The following ARL15 variants were observed in gnomAD, a reference collection of about 807,000 sequenced individuals.
ARL15 encodes ADP-ribosylation factor-like protein 15.
In ARL15, 19 loss-of-function variants were observed where a neutral mutation model predicts 25.2. The ratio of observed to expected loss-of-function variants is 0.75; its 90% confidence interval spans 0.53 to 1.10. The LOEUF is 1.10. ARL15 is among the 50% of genes least tolerant of loss of function. The pLI is 0.00. For missense variants in ARL15, 220 were observed against 246.0 expected (o/e 0.89, Z 0.71); for synonymous variants, 94 against 86.8 (o/e 1.08, Z -0.46).
intron 1 of ARL15, among the ~76,000 whole-genome samples, chr5:54,306,072 A>G (rs1360471061): frequency 1.3e-5 from 2 of 152,200 alleles, no homozygotes; most frequent in Non-Finnish European, 2.9e-5. Context: ...AGGTTCCTCT[A>G]GAGCCACACG....
intron 4 of ARL15, among the ~76,000 whole-genome samples, chr5:54,066,276 C>T (rs1010104177): frequency 1.3e-5 from 2 of 151,956 alleles, no homozygotes; most frequent in African/African-American, 2.4e-5. Flanking sequence ...AATTCACGAG[C>T]GACATAGTGC....
chr5:54,183,706 T>C (rs972832475), intron 1 of ARL15, among the ~76,000 whole-genome samples: 1 of 149,356 alleles, frequency 6.7e-6, no homozygotes, highest in South Asian at 2.1e-4. Flanking sequence ...ACCTCAGGGA[T>C]CTAGAACTAG....
chr5:54,157,101 T>G (rs1754257598), intron 2 of ARL15, among the ~76,000 whole-genome samples: 1 of 152,186 alleles, frequency 6.6e-6, no homozygotes, highest in Non-Finnish European at 1.5e-5. Flanking sequence ...ACAACTCAAG[T>G]GTAGATTTTC....
At chr5:53,913,920 G>A (rs1273258680) in intron 4 of ARL15, among the ~76,000 whole-genome samples, 2 of 152,082 alleles carry the variant, frequency 1.3e-5, no homozygotes, top group Non-Finnish European at 2.9e-5. Context: ...TATATGTGAA[G>A]TACAATTATT....
At chr5:54,135,158 TA>T (rs146037941) in intron 3 of ARL15, among the ~76,000 whole-genome samples, 57 of 147,808 alleles carry the variant, frequency 3.9e-4, no homozygotes, top group African/African-American at 1.0e-3. Flanking sequence ...GTACTTGGAA[TA>T]AAAAAAAAAT....
intron 1 of ARL15, among the ~76,000 whole-genome samples, chr5:54,220,610 C>A (rs1188954789): frequency 6.6e-6 from 1 of 152,128 alleles, no homozygotes; most frequent in African/African-American, 2.4e-5. Flanking sequence ...ATAATAAGCA[C>A]CTTCACACTC....
In ARL15 at chr5:54,246,272, G is replaced by A. The variant is rs552044577; in HGVS notation, c.48+64160C>T. The stretch of plus-strand genomic sequence containing the variant: ...ACTCCTCTATGCGCCCTTATTCTGG[G>A]TTTTCTTTTCACTAACATGAAGCTA... On this transcript the variant is annotated intron_variant, in intron 1 of 4. Coordinates refer to ENST00000504924, the MANE Select transcript of ARL15 (RefSeq NM_019087.3). 2.2e-3 allele frequency among the ~76,000 whole-genome samples: 329 copies of A among 151,940 alleles called. 2 individuals are homozygous for A. Among genetic ancestry groups the A allele is most frequent in the Non-Finnish European group, 3.8e-3 (255 of 67,988 alleles).
intron 1 of ARL15, among the ~76,000 whole-genome samples, chr5:54,221,084 C>A (rs971692240): frequency 3.3e-5 from 5 of 152,138 alleles, no homozygotes; most frequent in African/African-American, 4.8e-5. Flanking sequence ...GAATCTCCAC[C>A]TTTTATCTTC....
At chr5:54,225,391 G>C (rs1361857153) in intron 1 of ARL15, among the ~76,000 whole-genome samples, 1 of 152,136 alleles carries the variant, frequency 6.6e-6, no homozygotes, top group East Asian at 1.9e-4. Context: ...AAAGGTGGTG[G>C]AGATGGTGAG....
chr5:54,070,732 C>T (rs559786765), intron 4 of ARL15, among the ~76,000 whole-genome samples: 22 of 151,890 alleles, frequency 1.4e-4, no homozygotes, highest in Non-Finnish European at 2.5e-4. Context: ...GTAGTCCCAG[C>T]TACTTGGGAG....
At chr5:54,225,400 A>G (rs1290737528) in intron 1 of ARL15, among the ~76,000 whole-genome samples, 3 of 152,200 alleles carry the variant, frequency 2.0e-5, no homozygotes, top group Non-Finnish European at 2.9e-5. Flanking sequence ...GGAGATGGTG[A>G]GAAGTAGATT....
In ARL15 at chr5:54,134,568, CTTTTTTTTTTTTTTT is replaced by C. The variant is rs5867914; in HGVS notation, c.253+19997_253+20011del. Among the ~76,000 whole-genome samples, 451 of 51,824 alleles carry C rather than the reference CTTTTTTTTTTTTTTT, an allele frequency of 8.7e-3. 4 individuals carry two copies. Among genetic ancestry groups the C allele is most frequent in the African/African-American group, 0.03 (371 of 12,316 alleles). The allele number at this position is 51,824 out of a possible 152,430, so 34.0% of individuals were successfully genotyped here. A position where few individuals can be genotyped will look rare whatever the true frequency, so the allele number is the denominator to read the frequency against. On this transcript the variant is annotated intron_variant, in intron 3 of 4. Transcript: ENST00000504924. ...GTGAGCTCCCTGAAGGAATGATTAG[CTTTTTTTTTTTTTTT>C]TTTTTTTTTTTTTTTTTTCTGAGAC...
At chr5:54,075,579 TG>T (rs1579770249) in intron 4 of ARL15, 1 of 152,558 alleles carries the variant, frequency 6.6e-6, no homozygotes, top group African/African-American at 2.4e-5. Context: ...CTCCGCCTCC[TG>T]GGTTCAAGTG....
chr5:54,260,152 C>T (rs182741012), intron 1 of ARL15, among the ~76,000 whole-genome samples: 45 of 152,250 alleles, frequency 3.0e-4, no homozygotes, highest in African/African-American at 9.9e-4. Context: ...ATACAGCATG[C>T]GCATCTTTAA....
chr5:54,030,989 GC>G (rs1749963614), intron 4 of ARL15, among the ~76,000 whole-genome samples: 1 of 152,158 alleles, frequency 6.6e-6, no homozygotes, highest in Admixed American at 6.5e-5. Flanking sequence ...CACTGTAAAT[GC>G]AAGTAGCACA....
chr5:53,924,387 C>T (rs568341468), intron 4 of ARL15, among the ~76,000 whole-genome samples: 1 of 152,276 alleles, frequency 6.6e-6, no homozygotes, highest in South Asian at 2.1e-4. Flanking sequence ...TTCTAAACAG[C>T]ACTTTAAAAC....
chr5:54,113,179 G>A (rs778149105), intron 4 of ARL15, 23 bp downstream of exon 4: 3 of 1,609,084 alleles, frequency 1.9e-6, no homozygotes, highest in African/African-American at 2.7e-5. Flanking sequence ...AAGACAAAGA[G>A]TTGTCATGCT....
At chr5:54,309,062 C>A (rs554408528) in intron 1 of ARL15, among the ~76,000 whole-genome samples, 1 of 152,338 alleles carries the variant, frequency 6.6e-6, no homozygotes, top group Non-Finnish European at 1.5e-5. Flanking sequence ...GCTCTCTTAA[C>A]TTACAGGGCA....
intron 4 of ARL15, among the ~76,000 whole-genome samples, chr5:54,019,109 A>G (rs943980967): frequency 6.6e-6 from 1 of 152,088 alleles, no homozygotes; most frequent in South Asian, 2.1e-4. Context: ...AAAATTGATG[A>G]ATTTATTATC....
Sources: gnomAD v4.1 joint callset for allele counts (sites outside exome capture counted in the v4.1 genomes callset) on GRCh38, gnomAD v4.1.1 for gene constraint, MANE v1.5 for transcripts, NCBI Gene and HGNC (gene_info 2026-07-23, HGNC 2026-07-21) for gene names.